BBX: variants seen among roughly 807,000 people sequenced by gnomAD.
BBX encodes BBX high mobility group box domain containing.
In BBX, 30 loss-of-function variants were observed where a neutral mutation model predicts 100.2. The ratio of observed to expected loss-of-function variants is 0.30; its 90% CI spans 0.22 to 0.41. The LOEUF is 0.41. Ranked by LOEUF, BBX falls within the 10% of genes least tolerant of loss-of-function variation. BBX has a pLI of 1.00. For synonymous variants in BBX, 376 were observed against 388.1 expected (o/e 0.97, Z 0.37); for missense variants, 1,023 against 1,129.8 (o/e 0.91, Z 1.35).
chr3:107,713,947 AT>A (rs2061903180), intron 4 of BBX, among the ~76,000 whole-genome samples: 1 of 107,482 alleles, frequency 9.3e-6, no homozygotes, highest in African/African-American at 3.2e-5. Flanking sequence ...TAATTTTTTA[AT>A]TTTTTTAATA....
chr3:107,732,389 A>G (rs537484513), intron 6 of BBX, among the ~76,000 whole-genome samples: 1 of 152,310 alleles, frequency 6.6e-6, no homozygotes, highest in Non-Finnish European at 1.5e-5. Context: ...ACATGCCCTA[A>G]GATTTAAAAT....
At chr3:107,710,001 A>C (rs1407216820) in intron 3 of BBX, among the ~76,000 whole-genome samples, 5 of 152,258 alleles carry the variant, frequency 3.3e-5, no homozygotes. Context: ...CATTATAGTA[A>C]AATAGCCATC....
intron 2 of BBX, among the ~76,000 whole-genome samples, chr3:107,544,861 A>AG (rs2049111577): frequency 6.6e-6 from 1 of 150,470 alleles, no homozygotes; most frequent in African/African-American, 2.4e-5. Context: ...AAAAAAAAAG[A>AG]AAAAAAGTAG....
At chr3:107,618,680 A>G (rs578158667) in intron 2 of BBX, among the ~76,000 whole-genome samples, 6 of 151,926 alleles carry the variant, frequency 3.9e-5, no homozygotes, top group African/African-American at 9.7e-5. Flanking sequence ...TTTAGTTTCC[A>G]TGTGTTGGGG....
At chr3:107,642,105 C>CA (rs1371962252) in intron 2 of BBX, among the ~76,000 whole-genome samples, 2 of 152,170 alleles carry the variant, frequency 1.3e-5, no homozygotes, top group Admixed American at 1.3e-4. Context: ...AATTGCATAA[C>CA]AGTTGGTATA....
chr3:107,798,166 AG>A (rs2069952142), intron 15 of BBX, among the ~76,000 whole-genome samples: 1 of 152,228 alleles, frequency 6.6e-6, no homozygotes, highest in South Asian at 2.1e-4. Context: ...ACTGGCCAAA[AG>A]GATCTCTCAG....
At chr3:107,778,558 A>C in intron 13 of BBX, 39 bp downstream of exon 13, 1 of 1,600,132 alleles carries the variant, frequency 6.2e-7, no homozygotes, top group South Asian at 1.1e-5. Flanking sequence ...TGTGGTCAGA[A>C]TCTCAAGTGA....
At chr3:107,639,732 CAATGTACAT>C (rs1239206538) in intron 2 of BBX, among the ~76,000 whole-genome samples, 5 of 152,016 alleles carry the variant, frequency 3.3e-5, no homozygotes, top group Admixed American at 1.3e-4. Flanking sequence ...AATCTTATGG[CAATGTACAT>C]AATGTACATA....
chr3:107,742,561 A>T (rs957040374), intron 7 of BBX, among the ~76,000 whole-genome samples: 1 of 152,158 alleles, frequency 6.6e-6, no homozygotes, highest in Non-Finnish European at 1.5e-5. Context: ...AATCCACAGC[A>T]TTAGTGATTC....
chr3:107,550,444 C>T (rs1417083872), intron 2 of BBX, among the ~76,000 whole-genome samples: 5 of 152,012 alleles, frequency 3.3e-5, no homozygotes, highest in African/African-American at 1.2e-4. Flanking sequence ...GTGGGGAGAT[C>T]ACCTTATTTG....
chr3:107,578,252 G>A (rs1168162866), intron 2 of BBX, among the ~76,000 whole-genome samples: 1 of 152,194 alleles, frequency 6.6e-6, no homozygotes, highest in Non-Finnish European at 1.5e-5. Flanking sequence ...CTGTAAGAGG[G>A]AGACATGGGG....
At position 107,810,686 on chromosome 3, in the gene BBX, C is replaced by T. The variant is rs1026734229; in HGVS notation, c.*5229C>T. 10 of 152,120 alleles carry T rather than the reference C, an allele frequency of 6.6e-5. No individual in the cohort carries two copies. Among genetic ancestry groups the T allele is most frequent in the Non-Finnish European group, 1.0e-4 (7 of 67,954 alleles). The allele number at this position is 152,120 out of a possible 1,614,324, so 9.4% of individuals were successfully genotyped here. ...GGAAGGTTTGCGATCTGGAGCTCAG[C>T]AACTGGCTCAGCAACGTTTTCTCCA... On this transcript the variant is annotated 3_prime_UTR_variant, in exon 18 of 18. Transcript: ENST00000325805.
At chr3:107,571,444 C>T (rs1261582492) in intron 2 of BBX, among the ~76,000 whole-genome samples, 1 of 152,126 alleles carries the variant, frequency 6.6e-6, no homozygotes, top group Non-Finnish European at 1.5e-5. Flanking sequence ...TAAAATGTGT[C>T]TCTGTCTCTA....
intron 2 of BBX, among the ~76,000 whole-genome samples, chr3:107,559,099 AAG>A: frequency 6.6e-6 from 1 of 152,250 alleles, no homozygotes; most frequent in East Asian, 1.9e-4. Flanking sequence ...TGGCTTATCA[AAG>A]AGAGTTCTGG....
intron 2 of BBX, among the ~76,000 whole-genome samples, chr3:107,543,862 T>C (rs2049025467): frequency 6.6e-6 from 1 of 152,152 alleles, no homozygotes; most frequent in Non-Finnish European, 1.5e-5. Flanking sequence ...CCATAACAGA[T>C]TTAGTTGTGA....
intron 2 of BBX, among the ~76,000 whole-genome samples, chr3:107,538,986 C>T (rs1350421445): frequency 6.6e-6 from 1 of 152,036 alleles, no homozygotes; most frequent in Non-Finnish European, 1.5e-5. Flanking sequence ...GATGGGGTCT[C>T]ACCATGTTGC....
chr3:107,656,704 A>G (rs1258574659), intron 3 of BBX, among the ~76,000 whole-genome samples: 1 of 152,220 alleles, frequency 6.6e-6, no homozygotes, highest in East Asian at 1.9e-4. Context: ...AAGATAAATA[A>G]TGTATTTTCT....
intron 2 of BBX, among the ~76,000 whole-genome samples, chr3:107,558,761 G>C (rs933498013): frequency 3.3e-5 from 5 of 152,156 alleles, no homozygotes; most frequent in Non-Finnish European, 7.3e-5. Flanking sequence ...AGCTAGTAGT[G>C]GGATTTGAAT....
At position 107,695,641 on chromosome 3, in the gene BBX, G is replaced by T. The variant is rs1209626644; in HGVS notation, c.-9-14811G>T. On this transcript the variant is annotated intron_variant, in intron 3 of 17. Coordinates refer to ENST00000325805, the MANE Select transcript of BBX (RefSeq NM_001142568.3). Reference sequence around the variant, plus strand: ...CTATGTGATCAATTTTGGAATAGGTGTGGTGTGGTGCTGAAAAAAATGTGT... The same window carrying T: ...CTATGTGATCAATTTTGGAATAGGTTTGGTGTGGTGCTGAAAAAAATGTGT... Among the ~76,000 whole-genome samples the T allele has an allele frequency of 1.1e-4, 16 of 151,684 alleles. 1 individual carries two copies. The highest frequency in any genetic ancestry group is 3.2e-4 in the African/African-American group (13 of 40,950).
Sources: gnomAD v4.1 joint callset for allele counts (sites outside exome capture counted in the v4.1 genomes callset) on GRCh38, gnomAD v4.1.1 for gene constraint, MANE v1.5 for transcripts, NCBI Gene and HGNC (gene_info 2026-07-23, HGNC 2026-07-21) for gene names.